The following LARS1 variants were observed in gnomAD, a reference collection of about 807,000 sequenced individuals.
LARS1 encodes leucyl-tRNA synthetase 1, also known as leucine--tRNA ligase, cytoplasmic.
A neutral mutation model predicts 162.8 loss-of-function variants in LARS1; 100 were observed. The observed-to-expected ratio is 0.61, with a 90% CI of 0.52 to 0.73. The LOEUF is 0.73. Ranked by LOEUF, LARS1 falls within the 30% of genes least tolerant of loss-of-function variation. The probability of loss-of-function intolerance (pLI) is 0.00; values close to 1 mark genes in which losing one functional copy is unlikely to be tolerated. For missense variants in LARS1, 1,258 were observed against 1,408.9 expected (o/e 0.89, Z 1.71); for synonymous variants, 457 against 462.8 (o/e 0.99, Z 0.16).
chr5:146,133,049 TG>T lies in LARS1; in HGVS notation c.2244del (p.Asp748GlufsTer3). The T allele has an allele frequency of 6.2e-7, 1 of 1,613,866 alleles. No individual in the cohort carries two copies. Among genetic ancestry groups the T allele is most frequent in the Non-Finnish European group, 8.5e-7 (1 of 1,179,920 alleles). ...TCCACAAAGTTGGCATCTTCTACAGTGTCACCAGCATCAGCCAGAGCCAAAC... is the reference window on the plus strand; with the variant it reads ...TCCACAAAGTTGGCATCTTCTACAGTTCACCAGCATCAGCCAGAGCCAAAC... ...GMRLALADAG[D>X]TVEDANFVEA... On this transcript the variant is annotated frameshift_variant, in exon 23 of 32. Transcript: ENST00000394434. LOFTEE classifies it high-confidence loss of function.
chr5:146,153,225 G>A lies in LARS1; in HGVS notation c.1233C>T (p.Ala411=). ...CTCTAATTCCATATTTTGCTCGTAA[G>A]GCCTACAGAAAAATTTGCAAGTTAA... ...AALRDLKKKQ[A]LRAKYGIRDD... Residue 411 remains alanine, a splice_region_variant and synonymous_variant, in exon 13 of 32, where the codon GCC becomes GCT. Coordinates refer to ENST00000394434, the MANE Select transcript of LARS1 (RefSeq NM_020117.11). 1.9e-6 allele frequency: 3 copies of A among 1,612,164 alleles called. No individual in the cohort carries two copies. Among genetic ancestry groups the A allele is most frequent in the Non-Finnish European group, 2.5e-6 (3 of 1,178,800 alleles).
chr5:146,128,913 A>T, intron 26 of LARS1, 65 bp downstream of exon 26: 1 of 1,475,734 alleles, frequency 6.8e-7, no homozygotes, highest in Non-Finnish European at 9.2e-7. Flanking sequence ...CATTATTGTT[A>T]AATGTTATCT....
intron 19 of LARS1, 74 bp from the exon 20 acceptor site, chr5:146,143,158 C>A: frequency 2.3e-6 from 2 of 876,620 alleles, no homozygotes; most frequent in East Asian, 5.8e-5. Context: ...GTACCTGAAT[C>A]GAAACATGGA....
intron 6 of LARS1, among the ~76,000 whole-genome samples, chr5:146,161,646 G>A (rs1205585069): frequency 1.3e-5 from 2 of 151,900 alleles, no homozygotes; most frequent in African/African-American, 2.4e-5. Flanking sequence ...CCAGCTACTA[G>A]GGAGGCTGAG....
intron 7 of LARS1, 67 bp from the exon 8 acceptor site, chr5:146,159,537 T>TGTTGCACCTAATTAG (rs1753684014): frequency 3.3e-6 from 4 of 1,204,722 alleles, no homozygotes; most frequent in Non-Finnish European, 4.9e-6. Flanking sequence ...CATATTTGCC[T>TGTTGCACCTAATTAG]GTGTTGCACC....
chr5:146,179,287 G>C (rs756471679), intron 1 of LARS1, among the ~76,000 whole-genome samples: 1 of 151,942 alleles, frequency 6.6e-6, no homozygotes, highest in East Asian at 1.9e-4. Context: ...TCAGCCTCCC[G>C]AGCAGCTGGG....
intron 7 of LARS1, among the ~76,000 whole-genome samples, 177 bp from the exon 8 acceptor site, chr5:146,159,647 G>A (rs888688861): frequency 3.9e-5 from 6 of 152,030 alleles, no homozygotes; most frequent in African/African-American, 1.5e-4. Flanking sequence ...CTTATTTAAT[G>A]AAAGCTTTCT....
chr5:146,158,839 G>A (rs1337732422), intron 8 of LARS1, among the ~76,000 whole-genome samples: 2 of 152,172 alleles, frequency 1.3e-5, no homozygotes, highest in Non-Finnish European at 2.9e-5. Context: ...GCTCACGCCT[G>A]TAATCTCAGC....
chr5:146,119,043 C>G (rs924595371), intron 31 of LARS1, among the ~76,000 whole-genome samples: 4 of 152,124 alleles, frequency 2.6e-5, no homozygotes, highest in African/African-American at 9.7e-5. Context: ...CCCATCCAAA[C>G]AGTATTTTCT....
chr5:146,113,587 A>G lies in LARS1; in HGVS notation c.*519T>C, dbSNP rs1223979922. ...AATGCAGGACCTATTTGTTCTTTATACAAAATACTTAGTAATTGAAGTCAA... is the reference window on the plus strand; with the variant it reads ...AATGCAGGACCTATTTGTTCTTTATGCAAAATACTTAGTAATTGAAGTCAA... On this transcript the variant is annotated 3_prime_UTR_variant, in exon 32 of 32. Transcript: ENST00000394434. The G allele has an allele frequency of 6.5e-6, 1 of 153,018 alleles. No individual in the cohort carries two copies. The highest frequency in any genetic ancestry group is 1.5e-5 in the Non-Finnish European group (1 of 68,628). The allele number at this position is 153,018 out of a possible 1,614,324, so 9.5% of individuals were successfully genotyped here.
At chr5:146,127,772 A>G (rs1676541864) in intron 27 of LARS1, among the ~76,000 whole-genome samples, 1 of 152,150 alleles carries the variant, frequency 6.6e-6, no homozygotes, top group Admixed American at 6.6e-5. Context: ...CTCCACAAAA[A>G]TAGACTCACA....
chr5:146,129,280 T>C (rs1230235932), intron 25 of LARS1, among the ~76,000 whole-genome samples, 162 bp from the exon 26 acceptor site: 1 of 152,198 alleles, frequency 6.6e-6, no homozygotes, highest in African/African-American at 2.4e-5. Context: ...CCTGATCTAA[T>C]GTTCCCTAGA....
intron 21 of LARS1, chr5:146,137,694 C>A: frequency 5.1e-6 from 1 of 195,470 alleles, no homozygotes. Context: ...AGAAAAATAG[C>A]TCTTCCCATC....
chr5:146,144,296 T>A lies in LARS1; in HGVS notation c.1709A>T (p.Glu570Val), dbSNP rs2126484727. ...NFEATLGWLQ[E>V]HACSRTYGLG... is the part of the protein sequence containing the mutation. The stretch of plus-strand genomic sequence containing the variant: ...ACCATAAGTTCTTGAGCAAGCATGT[T>A]CTTGTAGCCAACCTAAGGTGGCTTC... The change falls in exon 18 of 32, where the codon GAA becomes GTA. Residue 570 changes from glutamate to valine, a missense_variant. Coordinates refer to ENST00000394434, the MANE Select transcript of LARS1 (RefSeq NM_020117.11). The A allele has an allele frequency of 6.2e-7, 1 of 1,613,052 alleles. No homozygotes were observed. Among genetic ancestry groups the A allele is most frequent in the East Asian group, 2.2e-5 (1 of 44,866 alleles).
intron 2 of LARS1, among the ~76,000 whole-genome samples, chr5:146,177,161 C>T (rs1311727785): frequency 6.6e-6 from 1 of 152,116 alleles, no homozygotes; most frequent in Non-Finnish European, 1.5e-5. Context: ...ATAAAGCCAA[C>T]GGTTTTAGAA....
At chr5:146,132,781 T>C (rs1752339204) in intron 23 of LARS1, 117 bp downstream of exon 23, 2 of 748,366 alleles carry the variant, frequency 2.7e-6, no homozygotes, top group Admixed American at 3.0e-5. Context: ...ACACTAGCTA[T>C]TATTATCATT....
chr5:146,171,186 G>A (rs971408275), intron 4 of LARS1, among the ~76,000 whole-genome samples: 2 of 151,826 alleles, frequency 1.3e-5, no homozygotes, highest in Admixed American at 6.6e-5. Flanking sequence ...GGGAAACCTC[G>A]TCTCTACTAA....
rs912472108 is a variant in LARS1 at position 146,144,861 on chromosome 5, T to A, written c.1504-152A>T. ...TTGCCCGCCTTCCCAGGGTCAGTCATCTTCTACCTTTCCTTCTATGTAACA... is the reference window on the plus strand; with the variant it reads ...TTGCCCGCCTTCCCAGGGTCAGTCAACTTCTACCTTTCCTTCTATGTAACA... On this transcript the variant is annotated intron_variant, in intron 15 of 31. Coordinates refer to ENST00000394434, the MANE Select transcript of LARS1 (RefSeq NM_020117.11). 67 of 637,048 alleles carry A rather than the reference T, an allele frequency of 1.1e-4. 1 individual carries two copies. The Admixed American group carries it at 1.2e-3, about 11-fold the overall frequency. The allele number at this position is 637,048 out of a possible 1,614,324, so 39.5% of individuals were successfully genotyped here. A position where few individuals can be genotyped will look rare whatever the true frequency, so the allele number is the denominator to read the frequency against.
At chr5:146,114,979 G>T (rs1764135038) in intron 31 of LARS1, among the ~76,000 whole-genome samples, 1 of 150,270 alleles carries the variant, frequency 6.7e-6, no homozygotes, top group Non-Finnish European at 1.5e-5. Flanking sequence ...AGGAGACAGA[G>T]GTTGCGGTGA....
Sources: allele counts gnomAD v4.1 joint callset (sites outside exome capture counted in the v4.1 genomes callset), GRCh38; gene constraint gnomAD v4.1.1; transcripts MANE v1.5; gene names NCBI Gene and HGNC (gene_info 2026-07-23, HGNC 2026-07-21).